Variants in WDHD1 observed in about 807,000 individuals in gnomAD.
WDHD1 encodes WD repeat and HMG-box DNA binding protein 1.
Under a neutral mutation model 135.4 loss-of-function variants are expected in WDHD1, and 111 were observed. The observed-to-expected ratio is 0.82, with a 90% CI of 0.70 to 0.96. The LOEUF (loss-of-function observed/expected upper bound fraction) is 0.96. Ranked by LOEUF, WDHD1 falls within the 40% of genes least tolerant of loss-of-function variation. WDHD1 has a pLI of 0.00. For missense variants in WDHD1, 1,351 were observed against 1,336.3 expected (o/e 1.01, Z -0.17); for synonymous variants, 434 against 439.0 (o/e 0.99, Z 0.14).
chr14:54,967,313 G>A lies in WDHD1; in HGVS notation c.2145C>T (p.Tyr715=), dbSNP rs777071898. 14 of 1,612,086 alleles carry A rather than the reference G, an allele frequency of 8.7e-6. No individual in the cohort carries two copies. The African/African-American group carries it at 1.9e-4, about 22-fold the overall frequency. ...GTCCTTTCTCTGTTGCAATCTGACAGTAAGGAAGCTTAAAGGATAATATAG... is the reference window on the plus strand; with the variant it reads ...GTCCTTTCTCTGTTGCAATCTGACAATAAGGAAGCTTAAAGGATAATATAG... The part of the protein sequence containing the change: ...AVAILSFKLP[Y]CQIATEKGQM... Residue 715 remains tyrosine, a synonymous_variant, in exon 17 of 26, where the codon TAC becomes TAT. Transcript: ENST00000360586.
At chr14:54,948,689 A>G (rs1468098589) in intron 24 of WDHD1, among the ~76,000 whole-genome samples, 1 of 152,208 alleles carries the variant, frequency 6.6e-6, no homozygotes, top group Non-Finnish European at 1.5e-5. Context: ...CTGAGAATGG[A>G]CAGACTGCCT....
intron 25 of WDHD1, among the ~76,000 whole-genome samples, chr14:54,942,227 G>C (rs1171513754): frequency 6.6e-6 from 1 of 151,160 alleles, no homozygotes; most frequent in Non-Finnish European, 1.5e-5. Context: ...CTCCAGCCTG[G>C]GCGAGAGCAA....
chr14:54,991,189 G>C, intron 12 of WDHD1, 24 bp downstream of exon 12: 1 of 1,353,330 alleles, frequency 7.4e-7, no homozygotes. Flanking sequence ...CTACTAAGAA[G>C]TTAAGTGTAG....
intron 2 of WDHD1, among the ~76,000 whole-genome samples, chr14:55,023,198 T>C (rs2042378170): frequency 6.6e-6 from 1 of 152,232 alleles, no homozygotes; most frequent in South Asian, 2.1e-4. Context: ...TTTAGATCCT[T>C]CACCTACCTT....
chr14:54,994,338 A>C lies in WDHD1; in HGVS notation c.1153+1265T>G, dbSNP rs374328357. ...GCACAAAGTTATTCATAATATTGCCATTATGCCTTTGATATTAATAGTAGC... is the reference window on the plus strand; with the variant it reads ...GCACAAAGTTATTCATAATATTGCCCTTATGCCTTTGATATTAATAGTAGC... On this transcript the variant is annotated intron_variant, in intron 11 of 25. Coordinates refer to ENST00000360586, the MANE Select transcript of WDHD1 (RefSeq NM_007086.4). Among the ~76,000 whole-genome samples the C allele has an allele frequency of 3.9e-5, 6 of 152,302 alleles. No homozygotes were observed. The South Asian group carries it at 6.2e-4, about 16-fold the overall frequency.
intron 25 of WDHD1, among the ~76,000 whole-genome samples, chr14:54,942,528 T>A (rs1486243246): frequency 6.6e-6 from 1 of 152,166 alleles, no homozygotes; most frequent in Non-Finnish European, 1.5e-5. Flanking sequence ...ACAGTCAAAA[T>A]ACAGAACCTC....
chr14:54,959,858 C>T (rs1461606278), intron 21 of WDHD1, among the ~76,000 whole-genome samples: 2 of 152,162 alleles, frequency 1.3e-5, no homozygotes, highest in African/African-American at 4.8e-5. Context: ...TTATTTATCT[C>T]GTTTCTGAAA....
At position 54,955,694 on chromosome 14, in the gene WDHD1, C is replaced by T. The variant is rs574347010; in HGVS notation, c.2917G>A (p.Ala973Thr). The part of the protein sequence containing the change: ...PLIPKPKPKQ[A>T]SAASYFQKRN... ...TTCTGGAAATAGGATGCTGCAGATG[C>T]CTATAAAAACAAACATGAATACTGC... Residue 973 changes from alanine to threonine, a missense_variant and splice_region_variant, in exon 24 of 26, where the codon GCA becomes ACA. By Grantham distance (58) the Ala-to-Thr change is moderately conservative. Coordinates refer to ENST00000360586, the MANE Select transcript of WDHD1 (RefSeq NM_007086.4). 5.8e-6 allele frequency: 9 copies of T among 1,542,548 alleles called. No homozygotes were observed. The African/African-American group carries it at 1.1e-4, about 19-fold the overall frequency.
intron 24 of WDHD1, among the ~76,000 whole-genome samples, chr14:54,946,839 T>C (rs918219505): frequency 6.6e-6 from 1 of 151,416 alleles, no homozygotes; most frequent in Non-Finnish European, 1.5e-5. Flanking sequence ...AGGCCAAGAG[T>C]TTGAGACCAG....
chr14:54,949,560 CAAGTTGGAA>C (rs199939907), intron 24 of WDHD1, among the ~76,000 whole-genome samples: 4,362 of 152,236 alleles, frequency 0.029, 191 homozygotes, highest in African/African-American at 0.1. Context: ...AGAATGGAAC[CAAGTTGGAA>C]AACACTCTGC....
At chr14:55,021,825 T>G (rs1300183012) in intron 2 of WDHD1, among the ~76,000 whole-genome samples, 2 of 152,250 alleles carry the variant, frequency 1.3e-5, no homozygotes, top group African/African-American at 4.8e-5. Flanking sequence ...GCACAACGTC[T>G]GGACACAGTT....
chr14:54,977,092 T>C (rs2041537798), intron 16 of WDHD1, among the ~76,000 whole-genome samples: 1 of 152,144 alleles, frequency 6.6e-6, no homozygotes, highest in South Asian at 2.1e-4. Context: ...AGGTTGTTTT[T>C]TTTTTGCCAA....
At chr14:54,981,903 G>A (rs982066973) in intron 15 of WDHD1, among the ~76,000 whole-genome samples, 1 of 152,018 alleles carries the variant, frequency 6.6e-6, no homozygotes, top group Admixed American at 6.6e-5. Context: ...CATTGGATTT[G>A]ATATGACTAA....
At chr14:55,023,692 G>A (rs1257832772) in intron 2 of WDHD1, among the ~76,000 whole-genome samples, 2 of 152,204 alleles carry the variant, frequency 1.3e-5, no homozygotes, top group Admixed American at 6.5e-5. Flanking sequence ...AACTGCTCAT[G>A]AGCATCATAC....
intron 24 of WDHD1, among the ~76,000 whole-genome samples, chr14:54,950,987 C>T (rs1212313962): frequency 1.3e-5 from 2 of 152,122 alleles, no homozygotes; most frequent in Admixed American, 6.5e-5. Context: ...CTCTGGGACA[C>T]ATTTAAAGCA....
chr14:54,984,255 G>A (rs1595092547), intron 15 of WDHD1, among the ~76,000 whole-genome samples: 1 of 152,206 alleles, frequency 6.6e-6, no homozygotes, highest in East Asian at 1.9e-4. Flanking sequence ...AGCACTTTAG[G>A]AGGCCAAGGT....
Position 55,012,410 on chromosome 14 carries a change from T to G in WDHD1, c.189+1075A>C, listed in dbSNP as rs551338792. Among the ~76,000 whole-genome samples, 129 of 152,360 alleles carry G rather than the reference T, an allele frequency of 8.5e-4. 1 individual carries two copies. Among genetic ancestry groups the G allele is most frequent in the Non-Finnish European group, 1.5e-3 (103 of 68,030 alleles). ...TATAGATAATTAATTTCCAAAGTCC[T>G]TCTGAATAAGTCTTCTTTCTCCAAG... On this transcript the variant is annotated intron_variant, in intron 3 of 25. Transcript: ENST00000360586.
rs925019072 is a variant in WDHD1, at chr14:54,951,121, A to G, written c.3050+4440T>C. On this transcript the variant is annotated intron_variant, in intron 24 of 25. Transcript: ENST00000360586. The stretch of plus-strand genomic sequence containing the variant: ...GCAAGAGCAAACATATTCAAAAGCT[A>G]GCAGAAGGCAAGAAATAACTGAGAT... Among the ~76,000 whole-genome samples the G allele has an allele frequency of 3.2e-4, 48 of 152,204 alleles. 1 individual carries two copies. The highest frequency in any genetic ancestry group is 1.1e-3 in the African/African-American group (45 of 41,454).
intron 3 of WDHD1, among the ~76,000 whole-genome samples, chr14:55,012,984 A>C (rs1380310742): frequency 6.6e-6 from 1 of 152,144 alleles, no homozygotes; most frequent in Non-Finnish European, 1.5e-5. Flanking sequence ...GGAACATTTA[A>C]ACCTTTCTTG....
Sources: allele counts gnomAD v4.1 joint callset (sites outside exome capture counted in the v4.1 genomes callset), GRCh38; gene constraint gnomAD v4.1.1; transcripts MANE v1.5; gene names NCBI Gene and HGNC (gene_info 2026-07-23, HGNC 2026-07-21).